SALL4: variants seen among roughly 807,000 people sequenced by gnomAD.
SALL4 encodes the protein sal-like protein 4.
Under a neutral mutation model 60.8 loss-of-function variants are expected in SALL4, and 4 were observed. That is an observed-to-expected ratio of 0.07 (90% CI 0.03 to 0.15). SALL4 has a LOEUF of 0.15. Ranked by LOEUF, SALL4 falls within the 10% of genes least tolerant of loss-of-function variation. The probability of loss-of-function intolerance (pLI) is 1.00; values close to 1 mark genes in which losing one functional copy is unlikely to be tolerated. For synonymous variants in SALL4, 580 were observed against 574.9 expected, an observed-to-expected ratio of 1.01 and a Z score of -0.13; for missense variants, 1,178 against 1,394.7, an observed-to-expected ratio of 0.84 and a Z score of 2.48.
chr20:51,791,042 T>C lies in SALL4; in HGVS notation c.1441A>G (p.Thr481Ala), dbSNP rs2078035838. 6.2e-7 allele frequency: 1 copy of C among 1,613,936 alleles called. No individual in the cohort carries two copies. Among genetic ancestry groups the C allele is most frequent in the Non-Finnish European group, 8.5e-7 (1 of 1,179,960 alleles). The change falls in exon 2 of 4, where the codon ACC (threonine) becomes GCC (alanine). Residue 481 changes from threonine (T) to alanine (A), a missense_variant. Physicochemically the swap from Thr to Ala is moderately conservative, Grantham distance 58 (BLOSUM62 0). This residue lies in a region of SALL4 where 853 missense variants were observed against 1,036.8 expected (regional missense o/e 0.82). Transcript: ENST00000217086. This position sits in a 1 kb window ranked among gnomAD's most constrained non-coding sequence, Gnocchi z 4.6. Reference protein sequence around the residue: ...SLDSKPVLVTTSVGLPQNLSS... With the variant: ...SLDSKPVLVTASVGLPQNLSS... ...AGATTCTGAGGTAGCCCTACAGAGG[T>C]GGTTACAAGGACAGGTTTGCTGTCT...
In SALL4 at chr20:51,784,525, C is replaced by A. The variant is rs199529190; in HGVS notation, c.2902G>T (p.Val968Leu). The A allele has an allele frequency of 1.9e-6, 3 of 1,614,176 alleles. No individual in the cohort carries two copies. In the African/African-American group the frequency reaches 4.0e-5, roughly 22 times the overall value. ...AGCATGCTGGTGTACTGGTTCCACA[C>A]AACAGGGTCCACATTCACTGAAGGG... Reference protein sequence around the residue: ...LAPSVNVDPVVWNQYTSMLNG... With the variant: ...LAPSVNVDPVLWNQYTSMLNG... The change falls in exon 4 of 4, where the codon GTG becomes TTG. Residue 968 changes from valine to leucine, a missense_variant. This residue lies in a region of SALL4 where 174 missense variants were observed against 169.6 expected (regional missense o/e 1.03). Transcript: ENST00000217086.
At chr20:51,785,446 T>C (rs2077985288) in intron 3 of SALL4, among the ~76,000 whole-genome samples, 1 of 152,208 alleles carries the variant, frequency 6.6e-6, no homozygotes, top group Admixed American at 6.5e-5. Context: ...AATCAAACCA[T>C]CTTAAGTCAG....
At chr20:51,794,849 T>G (rs2078070389) in intron 1 of SALL4, among the ~76,000 whole-genome samples, 1 of 152,090 alleles carries the variant, frequency 6.6e-6, no homozygotes, top group Non-Finnish European at 1.5e-5. Context: ...TCCCACACCC[T>G]CTATTGGAAC....
In SALL4 at chr20:51,788,709, A is replaced by C; in HGVS notation, c.2742+152T>G. The C allele has an allele frequency of 2.1e-6, 2 of 945,588 alleles. No individual in the cohort carries two copies. Among genetic ancestry groups the C allele is most frequent in the Non-Finnish European group, 1.6e-6 (1 of 618,726 alleles). 58.6% of individuals were successfully genotyped at this position (945,588 alleles called of 1,614,324 possible). A position where few individuals can be genotyped will look rare whatever the true frequency, so the allele number is the denominator to read the frequency against. ...TGAGACTCCGTCTCAAAAATAAATA[A>C]ATAAATAAACAAACTCCTGGACTCA... On this transcript the variant is annotated intron_variant, in intron 3 of 3. Transcript: ENST00000217086. The surrounding 1 kb of genome is among the most constrained non-coding windows in gnomAD (Gnocchi z 4.1).
rs2078030491 is a variant in SALL4 at position 51,790,604 on chromosome 20, A to AAGG, written c.1878_1879insCCT (p.His626_Ser627insPro). 6.2e-7 allele frequency: 1 copy of AAGG among 1,614,088 alleles called. No homozygotes were observed. Among genetic ancestry groups the AAGG allele is most frequent in the Non-Finnish European group, 8.5e-7 (1 of 1,180,012 alleles). The stretch of plus-strand genomic sequence containing the variant: ...AACTTCTTCTGGCAGATGGGGCACG[A>AAGG]ATGCTGCGTCTTAATGGATGTGTTG... On this transcript the variant is annotated inframe_insertion, in exon 2 of 4. Coordinates refer to ENST00000217086, the MANE Select transcript of SALL4 (RefSeq NM_020436.5). This position sits in a 1 kb window ranked among gnomAD's most constrained non-coding sequence, Gnocchi z 5.5.
chr20:51,801,937 A>T lies in SALL4; in HGVS notation c.130+342T>A, dbSNP rs1183471377. Among the ~76,000 whole-genome samples, 1 of 149,538 alleles carries T rather than the reference A, an allele frequency of 6.7e-6. No homozygotes were observed. On this transcript the variant is annotated intron_variant, in intron 1 of 3. Transcript: ENST00000217086. This position sits in a 1 kb window ranked among gnomAD's most constrained non-coding sequence, Gnocchi z 5.2. ...AGTTACAAGGGGGGGGGGTAACACC[A>T]GTGAGGGGAGTGGAACCAATTAAGT...
intron 1 of SALL4, among the ~76,000 whole-genome samples, chr20:51,797,125 A>G (rs2078083845): frequency 6.6e-6 from 1 of 151,900 alleles, no homozygotes; most frequent in African/African-American, 2.4e-5. Flanking sequence ...AGAACTTGTG[A>G]CTTTGTCATC....
chr20:51,785,330 C>T (rs1249556645), intron 3 of SALL4, among the ~76,000 whole-genome samples: 1 of 152,052 alleles, frequency 6.6e-6, no homozygotes, highest in Non-Finnish European at 1.5e-5. Flanking sequence ...AAAATTAGCT[C>T]ATAGCTCATG....
intron 1 of SALL4, among the ~76,000 whole-genome samples, chr20:51,799,486 T>C (rs995481038): frequency 3.3e-5 from 5 of 152,212 alleles, no homozygotes; most frequent in African/African-American, 1.2e-4. Flanking sequence ...GGAAGCTCAC[T>C]AACAGCAGCA....
Position 51,791,599 on chromosome 20 carries a change from G to A in SALL4, c.884C>T (p.Pro295Leu). 1 of 1,613,654 alleles carries A rather than the reference G, an allele frequency of 6.2e-7. No homozygotes were observed. The highest frequency in any genetic ancestry group is 1.1e-5 in the South Asian group (1 of 91,086). Reference sequence around the variant, plus strand: ...GGTGGCAGAAGGGATGTTGGCGTGAGGTAGCTTGGCTTGTTTCAAGGCATC... The same window carrying A: ...GGTGGCAGAAGGGATGTTGGCGTGAAGTAGCTTGGCTTGTTTCAAGGCATC... Reference protein sequence around the residue: ...SLDALKQAKLPHANIPSATSS... With the variant: ...SLDALKQAKLLHANIPSATSS... Residue 295 changes from proline (P) to leucine (L), a missense_variant, in exon 2 of 4, where the codon CCT becomes CTT. Pro to Leu is a moderately conservative substitution (Grantham distance 98). Coordinates refer to ENST00000217086, the MANE Select transcript of SALL4 (RefSeq NM_020436.5). This position sits in a 1 kb window ranked among gnomAD's most constrained non-coding sequence, Gnocchi z 4.6.
rs2078005607 is a variant in SALL4, at chr20:51,788,127, T to C, written c.2742+734A>G. On this transcript the variant is annotated intron_variant, in intron 3 of 3. Coordinates refer to ENST00000217086, the MANE Select transcript of SALL4 (RefSeq NM_020436.5). This position sits in a 1 kb window ranked among gnomAD's most constrained non-coding sequence, Gnocchi z 4.1. Reference sequence around the variant, plus strand: ...GTGCTGAGCCACTGCACCCAGGTAGTATTTCTAATTTTTAAAATTAAAATG... The same window carrying C: ...GTGCTGAGCCACTGCACCCAGGTAGCATTTCTAATTTTTAAAATTAAAATG... Among the ~76,000 whole-genome samples the C allele has an allele frequency of 6.6e-6, 1 of 151,208 alleles. No homozygotes were observed. Among genetic ancestry groups the C allele is most frequent in the African/African-American group, 2.4e-5 (1 of 40,968 alleles).
chr20:51,784,688 T>C lies in SALL4; in HGVS notation c.2743-4A>G, dbSNP rs775491501. 6.8e-6 allele frequency: 11 copies of C among 1,614,146 alleles called. No homozygotes were observed. The highest frequency in any genetic ancestry group is 6.7e-5 in the East Asian group (3 of 44,880). ...CCCCGTGTGTCATGTAGTGAACCTA[T>C]GGGAACAGGACAGAAAGGTTTTTAC... On this transcript the variant is annotated splice_polypyrimidine_tract_variant and splice_region_variant and intron_variant, in intron 3 of 3. Coordinates refer to ENST00000217086, the MANE Select transcript of SALL4 (RefSeq NM_020436.5).
chr20:51,790,924 G>A lies in SALL4; in HGVS notation c.1559C>T (p.Thr520Ile). The A allele has an allele frequency of 3.7e-6, 6 of 1,614,170 alleles. No homozygotes were observed. The highest frequency in any genetic ancestry group is 5.1e-6 in the Non-Finnish European group (6 of 1,180,040). ...GPSPESEGGP[T>I]LPGVGPNYNS... Reference sequence around the variant, plus strand: ...ATAGTTTGGTCCCACCCCAGGGAGTGTGGGTCCACCCTCACTTTCTGGAGA... The same window carrying A: ...ATAGTTTGGTCCCACCCCAGGGAGTATGGGTCCACCCTCACTTTCTGGAGA... The change falls in exon 2 of 4, where the codon ACA becomes ATA. Residue 520 changes from threonine to isoleucine, a missense_variant. Thr to Ile is a moderately conservative substitution (Grantham distance 89, BLOSUM62 -1). Transcript: ENST00000217086. The surrounding 1 kb of genome is among the most constrained non-coding windows in gnomAD (Gnocchi z 5.5).
rs1214395040 is a variant in SALL4 at position 51,790,783 on chromosome 20, T to C, written c.1700A>G (p.Glu567Gly). The C allele has an allele frequency of 6.2e-7, 1 of 1,613,954 alleles. No homozygotes were observed. Among genetic ancestry groups the C allele is most frequent in the East Asian group, 2.2e-5 (1 of 44,862 alleles). ...TAAGACTCGGTGGCAAATGAGACAT[T>C]CGTTGGGATCAGTGGTGGCCTTGTC... ...NIDKATTDPN[E>G]CLICHRVLSC... Residue 567 changes from glutamate to glycine, a missense_variant, in exon 2 of 4, where the codon GAA (glutamate) becomes GGA (glycine). Around this residue, in one of 5 missense-constraint regions of SALL4, gnomAD observed 853 missense variants for 1,036.8 expected, o/e 0.82. Transcript: ENST00000217086. The surrounding 1 kb of genome is among the most constrained non-coding windows in gnomAD (Gnocchi z 5.5).
rs142713222 is a variant in SALL4, at chr20:51,784,363, C to G, written c.3064G>C (p.Gly1022Arg). The change falls in exon 4 of 4, where the codon GGT becomes CGT. Residue 1022 changes from glycine to arginine, a missense_variant. Physicochemically the swap from Gly to Arg is moderately radical, Grantham distance 125. This residue lies in a region of SALL4 where 174 missense variants were observed against 169.6 expected (regional missense o/e 1.03). Coordinates refer to ENST00000217086, the MANE Select transcript of SALL4 (RefSeq NM_020436.5). ...GGTTTTTCCACATCTGCACTGATAC[C>G]CGACTGGGAGCCATCCATCTTGGAG... is the stretch of plus-strand genomic sequence containing the variant. ...TVSKMDGSQS[G>R]ISADVEKPSA... 1.5e-5 allele frequency: 24 copies of G among 1,614,156 alleles called. No individual in the cohort carries two copies. The East Asian group carries it at 5.1e-4, about 34-fold the overall frequency.
In SALL4 at chr20:51,784,632, T is replaced by C. The variant is rs1442234205; in HGVS notation, c.2795A>G (p.Lys932Arg). 8 of 1,614,102 alleles carry C rather than the reference T, an allele frequency of 5.0e-6. No homozygotes were observed. Among genetic ancestry groups the C allele is most frequent in the Middle Eastern group, 1.6e-4 (1 of 6,084 alleles). Reference protein sequence around the residue: ...ANNNSARRGRKLAIENTMALL... With the variant: ...ANNNSARRGRRLAIENTMALL... ...AGCCATGGTGTTCTCGATGGCCAACTTCCTTCCACGGCGGGCTGAGTTATT... is the reference window on the plus strand; with the variant it reads ...AGCCATGGTGTTCTCGATGGCCAACCTCCTTCCACGGCGGGCTGAGTTATT... The change falls in exon 4 of 4, where the codon AAG (lysine) becomes AGG (arginine). Residue 932 changes from lysine to arginine, a missense_variant. Physicochemically the swap from Lys to Arg is conservative, Grantham distance 26. Coordinates refer to ENST00000217086, the MANE Select transcript of SALL4 (RefSeq NM_020436.5).
chr20:51,788,673 G>A lies in SALL4; in HGVS notation c.2742+188C>T, dbSNP rs935626873. On this transcript the variant is annotated intron_variant, in intron 3 of 3. Coordinates refer to ENST00000217086, the MANE Select transcript of SALL4 (RefSeq NM_020436.5). This position sits in a 1 kb window ranked among gnomAD's most constrained non-coding sequence, Gnocchi z 4.1. ...AGATGGCGCCACTGCACTCCAGTCT[G>A]GGCGACAGAGTGAGACTCCGTCTCA... Among the ~76,000 whole-genome samples, 3 of 152,056 alleles carry A rather than the reference G, an allele frequency of 2.0e-5. No individual in the cohort carries two copies. The highest frequency in any genetic ancestry group is 7.2e-5 in the African/African-American group (3 of 41,390).
chr20:51,794,351 C>T (rs554679741), intron 1 of SALL4, among the ~76,000 whole-genome samples: 3 of 152,244 alleles, frequency 2.0e-5, no homozygotes, highest in East Asian at 1.9e-4. Context: ...GCTGAGAGTT[C>T]GAAACCAGCC....
At chr20:51,797,510 GCT>G (rs2078085734) in intron 1 of SALL4, 2 of 152,124 alleles carry the variant, frequency 1.3e-5, no homozygotes, top group South Asian at 4.1e-4. Context: ...AACAGCAGCA[GCT>G]CTGTTTGCTT....
Sources: gnomAD v4.1 joint callset for allele counts (sites outside exome capture counted in the v4.1 genomes callset) on GRCh38, gnomAD v4.1.1 for gene constraint, gnomAD v4.1.1 regional missense constraint, Gnocchi (gnomAD v3.1) non-coding constraint, MANE v1.5 for transcripts, NCBI Gene and HGNC (gene_info 2026-07-23, HGNC 2026-07-21) for gene names.